Variants in KCNK5 observed in about 807,000 individuals in gnomAD.
KCNK5 encodes potassium two pore domain channel subfamily K member 5, also known as potassium channel subfamily K member 5.
Under a neutral mutation model 32.9 loss-of-function variants are expected in KCNK5, and 18 were observed. The observed-to-expected ratio is 0.55, with a 90% CI of 0.38 to 0.81. The LOEUF (loss-of-function observed/expected upper bound fraction) is 0.81, where lower values mean the gene tolerates loss of function less well. Ranked by LOEUF, KCNK5 falls within the 30% of genes least tolerant of loss-of-function variation. The pLI is 0.00. For synonymous variants in KCNK5, 276 were observed against 275.3 expected, an observed-to-expected ratio of 1.00 and a Z score of -0.03; for missense variants, 507 against 651.0, an observed-to-expected ratio of 0.78 and a Z score of 2.41.
At chr6:39,225,578 C>T (rs1407048523) in intron 1 of KCNK5, among the ~76,000 whole-genome samples, 1 of 152,110 alleles carries the variant, frequency 6.6e-6, no homozygotes, top group Non-Finnish European at 1.5e-5. Flanking sequence ...ATGAGAAGCG[C>T]AGAGGGGTGG....
chr6:39,190,846 G>C lies in KCNK5; in HGVS notation c.*44C>G, dbSNP rs762012701. The C allele has an allele frequency of 1.9e-5, 28 of 1,446,450 alleles. No individual in the cohort carries two copies. Among genetic ancestry groups the C allele is most frequent in the Non-Finnish European group, 2.4e-5 (26 of 1,097,616 alleles). The allele number at this position is 1,446,450 out of a possible 1,614,324, so 89.6% of individuals were successfully genotyped here. A position where few individuals can be genotyped will look rare whatever the true frequency, so the allele number is the denominator to read the frequency against. ...TCATCTCGGGACACCCTAGGGTGAG[G>C]GGGGAAGAGGCCATCAAAGGTGGGG... On this transcript the variant is annotated 3_prime_UTR_variant, in exon 5 of 5. Coordinates refer to ENST00000359534, the MANE Select transcript of KCNK5 (RefSeq NM_003740.4).
intron 1 of KCNK5, among the ~76,000 whole-genome samples, chr6:39,223,449 A>C (rs748394865): frequency 6.6e-6 from 1 of 152,178 alleles, no homozygotes; most frequent in Non-Finnish European, 1.5e-5. Flanking sequence ...ACTCAATGAA[A>C]TCTCAAAGAG....
intron 1 of KCNK5, among the ~76,000 whole-genome samples, chr6:39,197,029 G>T (rs1057293533): frequency 6.6e-6 from 1 of 152,178 alleles, no homozygotes; most frequent in Non-Finnish European, 1.5e-5. Flanking sequence ...CTGGACCCCA[G>T]AAGTCACATA....
intron 1 of KCNK5, among the ~76,000 whole-genome samples, chr6:39,223,914 C>T (rs1046597608): frequency 6.6e-6 from 1 of 152,156 alleles, no homozygotes; most frequent in African/African-American, 2.4e-5. Context: ...CATCCCCCAC[C>T]CCCACTGGAA....
intron 1 of KCNK5, among the ~76,000 whole-genome samples, chr6:39,219,713 G>C (rs1278377873): frequency 2.0e-5 from 3 of 152,150 alleles, no homozygotes; most frequent in Non-Finnish European, 4.4e-5. Flanking sequence ...GGGCCACACA[G>C]CTTTTGGCAT....
Position 39,191,115 on chromosome 6 carries a change from CG to C in KCNK5, c.1274del (p.Thr425ArgfsTer15). The C allele has an allele frequency of 6.2e-7, 1 of 1,614,180 alleles. No homozygotes were observed. Reference protein sequence around the residue: ...FQDASITFVNTEAGLSDEETS... With the variant: ...FQDASITFVNXEAGLSDEETS... The stretch of plus-strand genomic sequence containing the variant: ...TCTCCTCGTCTGAGAGGCCAGCCTC[CG>C]TGTTCACGAAGGTGATGCTGGCGTC... On this transcript the variant is annotated frameshift_variant, in exon 5 of 5. Coordinates refer to ENST00000359534, the MANE Select transcript of KCNK5 (RefSeq NM_003740.4). LOFTEE classifies it high-confidence loss of function. The surrounding 1 kb of genome is among the most constrained non-coding windows in gnomAD (Gnocchi z 5.8).
At chr6:39,199,975 T>A (rs1771107914) in intron 1 of KCNK5, among the ~76,000 whole-genome samples, 1 of 152,198 alleles carries the variant, frequency 6.6e-6, no homozygotes, top group East Asian at 1.9e-4. Flanking sequence ...TGTGTGTATC[T>A]GTGGATACCT....
chr6:39,211,406 C>G (rs1390519197), intron 1 of KCNK5, among the ~76,000 whole-genome samples: 1 of 152,174 alleles, frequency 6.6e-6, no homozygotes, highest in African/African-American at 2.4e-5. Context: ...TCAGCTGGTC[C>G]AGGGGGTGCG....
intron 1 of KCNK5, among the ~76,000 whole-genome samples, chr6:39,224,840 T>A (rs1163425376): frequency 6.6e-6 from 1 of 151,734 alleles, no homozygotes; most frequent in Non-Finnish European, 1.5e-5. Flanking sequence ...AAAGGGCCAC[T>A]CTCCATCTTC....
intron 1 of KCNK5, among the ~76,000 whole-genome samples, chr6:39,197,324 G>A (rs947788239): frequency 2.6e-5 from 4 of 152,332 alleles, no homozygotes; most frequent in Non-Finnish European, 4.4e-5. Context: ...GCCGGCCTGC[G>A]TAAATGGATC....
At chr6:39,219,705 G>C (rs529671179) in intron 1 of KCNK5, among the ~76,000 whole-genome samples, 28 of 152,242 alleles carry the variant, frequency 1.8e-4, no homozygotes, top group African/African-American at 6.7e-4. Context: ...AACCAAAAGG[G>C]CCACACAGCT....
At chr6:39,208,917 C>T (rs947358597) in intron 1 of KCNK5, among the ~76,000 whole-genome samples, 4 of 152,146 alleles carry the variant, frequency 2.6e-5, no homozygotes, top group African/African-American at 9.7e-5. Context: ...TGGTGAAACC[C>T]CATCTCTACT....
chr6:39,219,429 TCA>T (rs1562058193), intron 1 of KCNK5, among the ~76,000 whole-genome samples: 1 of 152,128 alleles, frequency 6.6e-6, no homozygotes, highest in Admixed American at 6.5e-5. Context: ...GCTCAAGGCC[TCA>T]CAATTTGTAA....
chr6:39,215,875 G>C lies in KCNK5; in HGVS notation c.186+13051C>G, dbSNP rs186422157. Among the ~76,000 whole-genome samples the C allele has an allele frequency of 9.2e-5, 14 of 152,326 alleles. No homozygotes were observed. In the East Asian group the frequency reaches 2.3e-3, roughly 25 times the overall value. ...CAGGCGTTAGAAGCAGTAAACAAAA[G>C]TCAGGGGCCTCTTAGGGCTGTCAGG... On this transcript the variant is annotated intron_variant, in intron 1 of 4. Transcript: ENST00000359534.
In KCNK5 at chr6:39,229,412, C is replaced by CCTG; in HGVS notation, c.-302_-301insCAG. On this transcript the variant is annotated 5_prime_UTR_variant, in exon 1 of 5. Transcript: ENST00000359534. ...GGAGCGGGAAGAACACAGGACTTGACTCTGGGCAGACACGTGGGCCGCTTC... is the reference window on the plus strand; with the variant it reads ...GGAGCGGGAAGAACACAGGACTTGACCTGTCTGGGCAGACACGTGGGCCGCTTC... 1 of 418,866 alleles carries CCTG rather than the reference C, an allele frequency of 2.4e-6. No homozygotes were observed. The highest frequency in any genetic ancestry group is 4.4e-6 in the Non-Finnish European group (1 of 226,124). 25.9% of individuals were successfully genotyped at this position (418,866 alleles called of 1,614,324 possible).
At chr6:39,199,585 C>T (rs898092440) in intron 1 of KCNK5, among the ~76,000 whole-genome samples, 3 of 152,154 alleles carry the variant, frequency 2.0e-5, no homozygotes, top group African/African-American at 7.2e-5. Context: ...ACCCACTGGG[C>T]GGAGAGAGGT....
At chr6:39,220,693 T>C (rs1431303787) in intron 1 of KCNK5, among the ~76,000 whole-genome samples, 2 of 152,194 alleles carry the variant, frequency 1.3e-5, no homozygotes, top group Non-Finnish European at 2.9e-5. Context: ...GGTTTTATCA[T>C]GTTCCCTTGT....
Position 39,190,799 on chromosome 6 carries a change from C to T in KCNK5, c.*91G>A, listed in dbSNP as rs374965520. Reference sequence around the variant, plus strand: ...ACTCCCAGTTCCGAGGCTGCCCCCCCACCAGGGGCCAGGCGTCCCGGTCAT... The same window carrying T: ...ACTCCCAGTTCCGAGGCTGCCCCCCTACCAGGGGCCAGGCGTCCCGGTCAT... On this transcript the variant is annotated 3_prime_UTR_variant, in exon 5 of 5. Transcript: ENST00000359534. 1.1e-5 allele frequency: 15 copies of T among 1,311,142 alleles called. No homozygotes were observed. Among genetic ancestry groups the T allele is most frequent in the East Asian group, 2.7e-5 (1 of 37,640 alleles). 81.2% of individuals were successfully genotyped at this position (1,311,142 alleles called of 1,614,324 possible).
chr6:39,202,640 A>G (rs1771150760), intron 1 of KCNK5, among the ~76,000 whole-genome samples: 1 of 152,226 alleles, frequency 6.6e-6, no homozygotes, highest in Non-Finnish European at 1.5e-5. Flanking sequence ...GAGAGCAGGC[A>G]AAGGAACAGA....
Sources: allele counts gnomAD v4.1 joint callset (sites outside exome capture counted in the v4.1 genomes callset), GRCh38; gene constraint gnomAD v4.1.1; non-coding constraint Gnocchi (gnomAD v3.1); transcripts MANE v1.5; gene names NCBI Gene and HGNC (gene_info 2026-07-23, HGNC 2026-07-21).